The following ACTG2 variants were observed in gnomAD, a reference collection of about 807,000 sequenced individuals.
The protein encoded by ACTG2 is actin, gamma-enteric smooth muscle.
In ACTG2, 16 loss-of-function variants were observed where a neutral mutation model predicts 37.6. The ratio of observed to expected loss-of-function variants is 0.43; its 90% CI spans 0.29 to 0.65. The LOEUF is 0.65. Ranked by LOEUF, ACTG2 falls within the 30% of genes least tolerant of loss-of-function variation. The pLI is 0.18. For synonymous variants in ACTG2, 181 were observed against 179.9 expected, an observed-to-expected ratio of 1.01 and a Z score of -0.05; for missense variants, 238 against 490.9, an observed-to-expected ratio of 0.48 and a Z score of 4.87.
intron 3 of ACTG2, among the ~76,000 whole-genome samples, chr2:73,905,993 A>C (rs914045520): frequency 6.6e-6 from 1 of 151,424 alleles, no homozygotes; most frequent in Non-Finnish European, 1.5e-5. Flanking sequence ...TATAAAAACA[A>C]ATTTGAACAT....
At chr2:73,906,189 C>T (rs868500703) in intron 3 of ACTG2, among the ~76,000 whole-genome samples, 8 of 152,026 alleles carry the variant, frequency 5.3e-5, no homozygotes, top group Middle Eastern at 3.4e-3. Context: ...CGGTGGCTCA[C>T]GCCTGTAATC....
In ACTG2 at chr2:73,916,604, C is replaced by T; in HGVS notation, c.826C>T (p.His276Tyr). The part of the protein sequence containing the change: ...SFIGMESAGI[H>Y]ETTYNSIMKC... ...ACTAGGCATGGAGTCCGCTGGAATTCATGAGACAACCTACAATTCCATCAT... is the reference window on the plus strand; with the variant it reads ...ACTAGGCATGGAGTCCGCTGGAATTTATGAGACAACCTACAATTCCATCAT... Residue 276 changes from histidine to tyrosine, a missense_variant, in exon 8 of 9, where the codon CAT (histidine) becomes TAT (tyrosine). His to Tyr is a moderately conservative substitution (Grantham distance 83). Coordinates refer to ENST00000345517, the MANE Select transcript of ACTG2 (RefSeq NM_001615.4). 1 of 1,613,822 alleles carries T rather than the reference C, an allele frequency of 6.2e-7. No individual in the cohort carries two copies. The highest frequency in any genetic ancestry group is 8.5e-7 in the Non-Finnish European group (1 of 1,179,828).
intron 1 of ACTG2, 88 bp from the exon 2 acceptor site, chr2:73,901,188 A>G: frequency 3.0e-5 from 32 of 1,083,108 alleles, no homozygotes; most frequent in Non-Finnish European, 3.9e-5. Context: ...CCCTGATTGC[A>G]GGTAGGGTCA....
At chr2:73,904,775 GTGTATATATATATATATA>G (rs1437206172) in intron 3 of ACTG2, among the ~76,000 whole-genome samples, 319 of 19,120 alleles carry the variant, frequency 0.017, 3 homozygotes, top group African/African-American at 0.044. Flanking sequence ...GTGTGTGTGT[GTGTATATATATATATATA>G]TATATATATA....
intron 7 of ACTG2, among the ~76,000 whole-genome samples, chr2:73,915,971 A>G (rs1333283265): frequency 6.6e-6 from 1 of 152,168 alleles, no homozygotes; most frequent in African/African-American, 2.4e-5. Context: ...GATTTTGGTG[A>G]TGTTTGCTTC....
At chr2:73,916,536 A>C in intron 7 of ACTG2, 48 bp from the exon 8 acceptor site, 1 of 1,550,740 alleles carries the variant, frequency 6.4e-7, no homozygotes, top group Non-Finnish European at 8.8e-7. Flanking sequence ...GGAGGTGTGC[A>C]TATTTAGGAA....
intron 5 of ACTG2, among the ~76,000 whole-genome samples, chr2:73,910,365 CTTTTTTTTTTT>C (rs1190070765): frequency 1.2e-5 from 1 of 80,692 alleles, no homozygotes; most frequent in African/African-American, 4.8e-5. Context: ...CTTTTTTCGA[CTTTTTTTTTTT>C]TTTTTTTTTG....
At chr2:73,901,534 G>A (rs1259994031) in intron 2 of ACTG2, 97 bp downstream of exon 2, 59 of 181,750 alleles carry the variant, frequency 3.2e-4, no homozygotes, top group Non-Finnish European at 3.1e-4. Flanking sequence ...GGAAGGAAAT[G>A]TGTGTGTGTG....
intron 1 of ACTG2, among the ~76,000 whole-genome samples, chr2:73,895,816 G>A (rs1679735069): frequency 6.6e-6 from 1 of 152,158 alleles, no homozygotes; most frequent in Non-Finnish European, 1.5e-5. Context: ...TTGACGACAG[G>A]GATTGACGAA....
chr2:73,908,528 A>T, intron 3 of ACTG2, 145 bp from the exon 4 acceptor site: 1 of 710,862 alleles, frequency 1.4e-6, no homozygotes, highest in Non-Finnish European at 2.4e-6. Context: ...TGTCAATCAG[A>T]AATTTCCAGG....
chr2:73,903,317 T>C (rs1346664105), intron 3 of ACTG2: 1 of 153,536 alleles, frequency 6.5e-6, no homozygotes, highest in African/African-American at 2.4e-5. Flanking sequence ...ACTTGAAGTC[T>C]GTAATTCACT....
intron 1 of ACTG2, among the ~76,000 whole-genome samples, chr2:73,897,875 A>G (rs1679783681): frequency 6.6e-6 from 1 of 152,206 alleles, no homozygotes; most frequent in Non-Finnish European, 1.5e-5. Context: ...TCGCCCTTTT[A>G]TAAAAAAACC....
At chr2:73,913,170 C>CAAAAAAAAAAAAAA (rs58764001) in intron 5 of ACTG2, among the ~76,000 whole-genome samples, 1 of 102,502 alleles carries the variant, frequency 9.8e-6, no homozygotes, top group Non-Finnish European at 1.9e-5. Flanking sequence ...ACTCTGTCTC[C>CAAAAAAAAAAAAAA]AAAAAAAAAA....
chr2:73,908,990 T>A, intron 4 of ACTG2, 65 bp from the exon 5 acceptor site: 1 of 1,498,294 alleles, frequency 6.7e-7, no homozygotes, highest in Non-Finnish European at 9.3e-7. Context: ...TTACAAACCA[T>A]TCTACAGGCC....
chr2:73,898,394 TATGGAGGC>T (rs1679800287), intron 1 of ACTG2, among the ~76,000 whole-genome samples: 1 of 131,478 alleles, frequency 7.6e-6, no homozygotes, highest in Non-Finnish European at 1.7e-5. Flanking sequence ...TTCTCCATTG[TATGGAGGC>T]TTCCAGCAAT....
chr2:73,910,222 A>ATT (rs1344231636), intron 5 of ACTG2, among the ~76,000 whole-genome samples: 1 of 89,478 alleles, frequency 1.1e-5, no homozygotes, highest in Non-Finnish European at 2.7e-5. Context: ...CTCAAAAAAT[A>ATT]TGTATATATA....
chr2:73,893,976 C>T (rs572228470), intron 1 of ACTG2, among the ~76,000 whole-genome samples: 3 of 152,270 alleles, frequency 2.0e-5, no homozygotes, highest in Non-Finnish European at 2.9e-5. Context: ...AGTTACTGAG[C>T]GACCTCAGCT....
chr2:73,914,730 C>T lies in ACTG2; in HGVS notation c.664C>T (p.Leu222=), dbSNP rs1424041952. 3 of 1,610,632 alleles carry T rather than the reference C, an allele frequency of 1.9e-6. No individual in the cohort carries two copies. The highest frequency in any genetic ancestry group is 2.7e-5 in the African/African-American group (2 of 74,748). ...CAAGGAGAAGCTGTGCTATGTGGCC[C>T]TGGATTTTGAGAATGAGATGGCCAC... The part of the protein sequence containing the change: ...DIKEKLCYVA[L]DFENEMATAA... The change falls in exon 7 of 9, where the codon CTG becomes TTG. Residue 222 remains leucine, a synonymous_variant. Coordinates refer to ENST00000345517, the MANE Select transcript of ACTG2 (RefSeq NM_001615.4).
intron 3 of ACTG2, among the ~76,000 whole-genome samples, chr2:73,904,268 A>G (rs1161292733): frequency 3.3e-5 from 5 of 150,898 alleles, no homozygotes; most frequent in African/African-American, 4.9e-5. Context: ...AAAAAAAAAA[A>G]AAAAGAAAGG....
Sources: gnomAD v4.1 joint callset for allele counts (sites outside exome capture counted in the v4.1 genomes callset) on GRCh38, gnomAD v4.1.1 for gene constraint, MANE v1.5 for transcripts, NCBI Gene and HGNC (gene_info 2026-07-23, HGNC 2026-07-21) for gene names.